Variants in SMYD3 observed in about 807,000 individuals in gnomAD.
SMYD3 encodes histone-lysine N-methyltransferase SMYD3.
SMYD3 carries 36 observed loss-of-function variants against 57.7 expected under a neutral mutation model. The ratio of observed to expected loss-of-function variants is 0.62; its 90% CI spans 0.48 to 0.82. The LOEUF (loss-of-function observed/expected upper bound fraction) is 0.82, where lower values mean the gene tolerates loss of function less well. Among genes scored for constraint, SMYD3 ranks in the 40% least tolerant of loss-of-function variants. The pLI is 0.00. For missense variants in SMYD3, 515 were observed against 538.8 expected, an observed-to-expected ratio of 0.96 and a Z score of 0.44; for synonymous variants, 211 against 195.0, an observed-to-expected ratio of 1.08 and a Z score of -0.68.
rs1491323831 is a variant in SMYD3 at position 245,921,547 on chromosome 1, G to GTACATATATATATATATATA, written c.703-5908_703-5907insTATATATATATATATATGTA. Reference sequence around the variant, plus strand: ...CATCAACAGTGAGCTAAAAAATGTGGTGTATATATATATATATATATATAC... The same window carrying GTACATATATATATATATATA: ...CATCAACAGTGAGCTAAAAAATGTGGTACATATATATATATATATATGTATATATATATATATATATATAC... On this transcript the variant is annotated intron_variant, in intron 7 of 11. Transcript: ENST00000490107. Among the ~76,000 whole-genome samples, 111 of 35,092 alleles carry GTACATATATATATATATATA rather than the reference G, an allele frequency of 3.2e-3. 2 individuals carry two copies. Among genetic ancestry groups the GTACATATATATATATATATA allele is most frequent in the African/African-American group, 7.0e-3 (108 of 15,512 alleles). The allele number at this position is 35,092 out of a possible 152,430, so 23.0% of individuals were successfully genotyped here.
At chr1:245,830,484 G>A (rs2049771689) in intron 10 of SMYD3, among the ~76,000 whole-genome samples, 1 of 152,184 alleles carries the variant, frequency 6.6e-6, no homozygotes, top group African/African-American at 2.4e-5. Context: ...GACATGTGGG[G>A]ATTATTATAA....
intron 1 of SMYD3, among the ~76,000 whole-genome samples, chr1:246,410,367 GT>G (rs1303171689): frequency 6.6e-6 from 1 of 152,156 alleles, no homozygotes; most frequent in Non-Finnish European, 1.5e-5. Context: ...TTTATTGAGA[GT>G]TTTTAGCATG....
chr1:246,007,815 C>CA (rs199605639), intron 5 of SMYD3, among the ~76,000 whole-genome samples: 29,923 of 138,226 alleles, frequency 0.22, 3,370 homozygotes, highest in East Asian at 0.54. Context: ...AGACCCTGAC[C>CA]AAAAAAAAAA....
In SMYD3 at chr1:246,155,830, T is replaced by TA. The variant is rs978895890; in HGVS notation, c.531+171370dup. 1.1e-4 allele frequency among the ~76,000 whole-genome samples: 17 copies of TA among 150,504 alleles called. No individual in the cohort carries two copies. In the East Asian group the frequency reaches 1.2e-3, roughly 10 times the overall value. On this transcript the variant is annotated intron_variant, in intron 5 of 11. Coordinates refer to ENST00000490107, the MANE Select transcript of SMYD3 (RefSeq NM_001167740.2). ...TCCCATCTCTACTAAAAATAAAAAATAAAAAAAAATAGCCTAGTGTGGTGG... is the reference window on the plus strand; with the variant it reads ...TCCCATCTCTACTAAAAATAAAAAATAAAAAAAAAATAGCCTAGTGTGGTGG...
At chr1:246,302,703 G>A (rs1453066237) in intron 5 of SMYD3, among the ~76,000 whole-genome samples, 3 of 152,058 alleles carry the variant, frequency 2.0e-5, no homozygotes, top group Non-Finnish European at 4.4e-5. Context: ...GAAAATTACT[G>A]CGATGTGGAA....
At chr1:246,292,607 C>A (rs1478494348) in intron 5 of SMYD3, among the ~76,000 whole-genome samples, 1 of 152,178 alleles carries the variant, frequency 6.6e-6, no homozygotes, top group Admixed American at 6.5e-5. Context: ...TCCAACATAC[C>A]AGTCACTCCA....
rs568070366 is a variant in SMYD3 at position 246,328,922 on chromosome 1, C to T, written c.394+1558G>A. On this transcript the variant is annotated intron_variant, in intron 4 of 11. Transcript: ENST00000490107. Reference sequence around the variant, plus strand: ...GTTCTCATTGTTCAATTCCCACCTACGAGTGAGAATATGCGGTGTTTGGTT... The same window carrying T: ...GTTCTCATTGTTCAATTCCCACCTATGAGTGAGAATATGCGGTGTTTGGTT... 7.6e-3 allele frequency among the ~76,000 whole-genome samples: 1,151 copies of T among 151,490 alleles called. 12 individuals are homozygous for T. Among genetic ancestry groups the T allele is most frequent in the African/African-American group, 0.021 (847 of 41,264 alleles).
chr1:246,218,228 T>TAAAA (rs141992207), intron 5 of SMYD3, among the ~76,000 whole-genome samples: 25,562 of 150,494 alleles, frequency 0.17, 2,468 homozygotes, highest in East Asian at 0.33. Context: ...AGAAAACCTG[T>TAAAA]TAAAAAAAAA....
intron 8 of SMYD3, among the ~76,000 whole-genome samples, chr1:245,869,154 G>C (rs1412567477): frequency 2.0e-5 from 3 of 151,856 alleles, no homozygotes; most frequent in African/African-American, 4.9e-5. Flanking sequence ...GAATGGGTGA[G>C]TCCTGGAATT....
intron 5 of SMYD3, among the ~76,000 whole-genome samples, chr1:246,307,793 C>G (rs537452277): frequency 6.6e-6 from 1 of 152,168 alleles, no homozygotes; most frequent in South Asian, 2.1e-4. Context: ...CTCACTAGAA[C>G]AGCCCCAGGC....
chr1:245,770,458 A>G (rs2046290863), intron 10 of SMYD3, among the ~76,000 whole-genome samples: 1 of 152,226 alleles, frequency 6.6e-6, no homozygotes, highest in Admixed American at 6.5e-5. Context: ...CAGCCATTAC[A>G]AAGAATGAAT....
At chr1:246,183,669 G>A (rs2062589057) in intron 5 of SMYD3, among the ~76,000 whole-genome samples, 2 of 152,128 alleles carry the variant, frequency 1.3e-5, no homozygotes, top group Admixed American at 1.3e-4. Flanking sequence ...CAAATATCAG[G>A]GAAGTGAAGT....
rs112306152 is a variant in SMYD3 at position 245,876,638 on chromosome 1, C to T, written c.814-12752G>A. Among the ~76,000 whole-genome samples, 9 of 152,316 alleles carry T rather than the reference C, an allele frequency of 5.9e-5. 1 individual carries two copies. The highest frequency in any genetic ancestry group is 2.2e-4 in the African/African-American group (9 of 41,574). ...AAAAGTGACCAAGTCTGTGGCACTACGGGGAATAAATCTCATGCCCTTCAG... is the reference window on the plus strand; with the variant it reads ...AAAAGTGACCAAGTCTGTGGCACTATGGGGAATAAATCTCATGCCCTTCAG... On this transcript the variant is annotated intron_variant, in intron 8 of 11. Coordinates refer to ENST00000490107, the MANE Select transcript of SMYD3 (RefSeq NM_001167740.2).
At chr1:246,218,553 G>A (rs990737174) in intron 5 of SMYD3, among the ~76,000 whole-genome samples, 10 of 151,778 alleles carry the variant, frequency 6.6e-5, no homozygotes, top group East Asian at 3.9e-4. Context: ...CCCAGGAGAC[G>A]GAGCTTGCAG....
chr1:246,498,396 A>G (rs1558492562), intron 1 of SMYD3, among the ~76,000 whole-genome samples: 1 of 152,202 alleles, frequency 6.6e-6, no homozygotes, highest in Admixed American at 6.5e-5. Flanking sequence ...TCCAGTAGAC[A>G]CAAAGATAAT....
intron 1 of SMYD3, among the ~76,000 whole-genome samples, chr1:246,459,993 T>TTTC (rs538090942): frequency 8.6e-4 from 130 of 151,558 alleles, no homozygotes; most frequent in African/African-American, 2.9e-3. Context: ...ACTTAGGCTC[T>TTTC]TGAAGTCATT....
chr1:246,099,056 A>G (rs528759366), intron 5 of SMYD3, among the ~76,000 whole-genome samples: 66 of 152,334 alleles, frequency 4.3e-4, no homozygotes, highest in Non-Finnish European at 6.8e-4. Flanking sequence ...AAATAATGCT[A>G]GAGACCTACA....
chr1:246,277,473 C>CAA (rs2064356971), intron 5 of SMYD3, among the ~76,000 whole-genome samples: 1 of 152,058 alleles, frequency 6.6e-6, no homozygotes, highest in African/African-American at 2.4e-5. Context: ...ACCACCACCA[C>CAA]CACCAACAAC....
intron 5 of SMYD3, among the ~76,000 whole-genome samples, chr1:245,939,914 G>T (rs552814154): frequency 6.6e-6 from 1 of 152,188 alleles, no homozygotes; most frequent in Non-Finnish European, 1.5e-5. Flanking sequence ...CATTGAAAAA[G>T]AAGAAGAGAG....
Sources: allele counts gnomAD v4.1 joint callset (sites outside exome capture counted in the v4.1 genomes callset), GRCh38; gene constraint gnomAD v4.1.1; transcripts MANE v1.5; gene names NCBI Gene and HGNC (gene_info 2026-07-23, HGNC 2026-07-21).